The following RBFOX1 variants were observed in gnomAD, a reference collection of about 807,000 sequenced individuals.
RBFOX1 encodes RNA binding protein fox-1 homolog 1.
In RBFOX1, 8 loss-of-function variants were observed where a neutral mutation model predicts 57.7. That is an observed-to-expected ratio of 0.14 (90% confidence interval 0.08 to 0.25). RBFOX1 has a LOEUF of 0.25. RBFOX1 is among the 10% of genes least tolerant of loss of function. RBFOX1 has a pLI of 1.00. For missense variants in RBFOX1, 611 were observed against 548.5 expected (o/e 1.11, Z -1.14); for synonymous variants, 326 against 222.4 (o/e 1.47, Z -4.15).
At chr16:6,219,330 T>A (rs11646867) in intron 1 of RBFOX1, among the ~76,000 whole-genome samples, 3,734 of 152,092 alleles carry the variant, frequency 0.025, 75 homozygotes, top group Middle Eastern at 0.041. Context: ...AAAAAAGTAA[T>A]AGTTATCCTG....
chr16:6,487,144 C>CTCTGTG (rs1555498826), intron 2 of RBFOX1, among the ~76,000 whole-genome samples: 2 of 140,116 alleles, frequency 1.4e-5, no homozygotes, highest in Admixed American at 1.5e-4. Context: ...TGTGGGGTTT[C>CTCTGTG]TGTGTGTGTG....
intron 6 of RBFOX1, among the ~76,000 whole-genome samples, chr16:7,585,599 A>G (rs989356268): frequency 6.6e-6 from 1 of 152,188 alleles, no homozygotes; most frequent in African/African-American, 2.4e-5. Context: ...AGGAACGGGC[A>G]CATTTCTATG....
At chr16:6,552,388 C>G (rs986783789) in intron 2 of RBFOX1, among the ~76,000 whole-genome samples, 12 of 152,158 alleles carry the variant, frequency 7.9e-5, no homozygotes, top group African/African-American at 2.4e-4. Flanking sequence ...TTGGGCTAGT[C>G]TCTGTAGTTC....
chr16:6,756,794 A>T (rs1470243599), intron 3 of RBFOX1, among the ~76,000 whole-genome samples: 1 of 152,094 alleles, frequency 6.6e-6, no homozygotes, highest in Non-Finnish European at 1.5e-5. Context: ...CAACATGGTG[A>T]AACTCCATCT....
intron 2 of RBFOX1, among the ~76,000 whole-genome samples, chr16:6,497,749 G>T (rs999372952): frequency 6.6e-6 from 1 of 151,718 alleles, no homozygotes; most frequent in African/African-American, 2.4e-5. Flanking sequence ...TAGAGACAGG[G>T]TTTCACCATA....
At chr16:6,700,896 A>G (rs565541559) in intron 3 of RBFOX1, among the ~76,000 whole-genome samples, 2 of 152,038 alleles carry the variant, frequency 1.3e-5, no homozygotes, top group Non-Finnish European at 2.9e-5. Flanking sequence ...TCTTTACCCA[A>G]TTTGCTAGTC....
intron 4 of RBFOX1, among the ~76,000 whole-genome samples, chr16:5,875,045 C>A (rs1329461195): frequency 1.3e-5 from 2 of 152,156 alleles, no homozygotes; most frequent in African/African-American, 2.4e-5. Flanking sequence ...ATATGAGATG[C>A]TGGTGAGAGG....
intron 3 of RBFOX1, among the ~76,000 whole-genome samples, chr16:5,782,474 C>T (rs1470615478): frequency 6.6e-6 from 1 of 152,174 alleles, no homozygotes; most frequent in Non-Finnish European, 1.5e-5. Flanking sequence ...CCATCACCTC[C>T]CAACACTGTT....
At chr16:5,325,399 T>G (rs11076910) in intron 1 of RBFOX1, among the ~76,000 whole-genome samples, 118,582 of 152,162 alleles carry the variant, frequency 0.78, 48,500 homozygotes, top group South Asian at 0.9. Context: ...TAAATTTAGT[T>G]CAATCCAGTA....
chr16:6,602,046 C>A (rs1041436665), intron 2 of RBFOX1, among the ~76,000 whole-genome samples: 10 of 152,076 alleles, frequency 6.6e-5, no homozygotes, highest in African/African-American at 2.4e-4. Flanking sequence ...AGAACAAAGG[C>A]GTCCTATTTC....
At chr16:5,752,119 C>A (rs2053230300) in intron 3 of RBFOX1, among the ~76,000 whole-genome samples, 1 of 152,130 alleles carries the variant, frequency 6.6e-6, no homozygotes, top group South Asian at 2.1e-4. Flanking sequence ...ATGTCCTTTG[C>A]AGGAAAATGA....
At chr16:6,348,279 C>T (rs766161644) in intron 2 of RBFOX1, among the ~76,000 whole-genome samples, 6 of 152,134 alleles carry the variant, frequency 3.9e-5, no homozygotes, top group Non-Finnish European at 8.8e-5. Flanking sequence ...TCATTTAGTT[C>T]CTTCTTGTCT....
At chr16:7,211,686 C>G (rs1046946298) in intron 4 of RBFOX1, among the ~76,000 whole-genome samples, 3 of 152,054 alleles carry the variant, frequency 2.0e-5, no homozygotes, top group African/African-American at 7.2e-5. Context: ...ACACTGATTC[C>G]TGCCCTGGGG....
At chr16:5,955,365 A>T (rs76648188) in intron 4 of RBFOX1, among the ~76,000 whole-genome samples, 4 of 39,272 alleles carry the variant, frequency 1.0e-4, no homozygotes, top group South Asian at 6.8e-4. Flanking sequence ...TAAAAATAAA[A>T]TAAAATAAAA....
intron 3 of RBFOX1, among the ~76,000 whole-genome samples, chr16:5,736,041 A>G (rs964371210): frequency 6.6e-5 from 10 of 152,128 alleles, no homozygotes; most frequent in Non-Finnish European, 1.5e-4. Context: ...AGACGGTGAC[A>G]TGCTGACCTT....
intron 1 of RBFOX1, among the ~76,000 whole-genome samples, chr16:5,305,264 G>A (rs2063905237): frequency 1.3e-5 from 2 of 152,124 alleles, no homozygotes. Context: ...GTTAAAGAGA[G>A]GTCAAGTGTT....
At position 7,604,173 on chromosome 16, in the gene RBFOX1, G is replaced by T. The variant is rs1045723085; in HGVS notation, c.623-3112G>T. Among the ~76,000 whole-genome samples the T allele has an allele frequency of 7.2e-5, 11 of 152,302 alleles. No individual in the cohort carries two copies. In the East Asian group the frequency reaches 1.2e-3, roughly 16 times the overall value. ...AGATAGATATGCCATTTGCTAAAGG[G>T]AGAAGGACTTGCTGAGTAACAGGTT... On this transcript the variant is annotated intron_variant, in intron 9 of 15. Coordinates refer to ENST00000550418, the MANE Select transcript of RBFOX1 (RefSeq NM_018723.4).
chr16:6,713,899 A>T (rs140505953), intron 3 of RBFOX1, among the ~76,000 whole-genome samples: 1 of 152,196 alleles, frequency 6.6e-6, no homozygotes, highest in Non-Finnish European at 1.5e-5. Flanking sequence ...GGACAGGAAG[A>T]TATCATCCTT....
intron 2 of RBFOX1, among the ~76,000 whole-genome samples, chr16:5,485,277 C>T (rs75215274): frequency 1.6e-4 from 21 of 130,274 alleles, no homozygotes; most frequent in Non-Finnish European, 2.3e-4. Context: ...ACCCAGGAGG[C>T]GGAGCTTGCA....
Sources: allele counts gnomAD v4.1 joint callset (sites outside exome capture counted in the v4.1 genomes callset), GRCh38; gene constraint gnomAD v4.1.1; transcripts MANE v1.5; gene names NCBI Gene and HGNC (gene_info 2026-07-23, HGNC 2026-07-21).